ATAD3B: variants seen among roughly 807,000 people sequenced by gnomAD.
The protein encoded by ATAD3B is ATPase family AAA domain containing 3B.
ATAD3B carries 59 observed loss-of-function variants against 70.2 expected under a neutral mutation model. That is an observed-to-expected ratio of 0.84 (90% confidence interval 0.68 to 1.04). The LOEUF is 1.04. Ranked by LOEUF, ATAD3B falls within the 50% of genes least tolerant of loss-of-function variation. ATAD3B has a pLI of 0.00. For synonymous variants in ATAD3B, 423 were observed against 388.6 expected, an observed-to-expected ratio of 1.09 and a Z score of -1.04; for missense variants, 961 against 913.4, an observed-to-expected ratio of 1.05 and a Z score of -0.67.
chr1:1,503,009 G>A, the ATAD3B span, among the ~76,000 whole-genome samples: 1 of 151,082 alleles, frequency 6.6e-6, no homozygotes, highest in African/African-American at 2.4e-5. Context: ...TGAATCACGA[G>A]GTCAGGAGAT....
At chr1:1,494,729 G>A (rs1233251868) in intron 15 of ATAD3B, among the ~76,000 whole-genome samples, 1 of 151,902 alleles carries the variant, frequency 6.6e-6, no homozygotes, top group Non-Finnish European at 1.5e-5. Flanking sequence ...CAGCTGGGAC[G>A]GGGCGAGGGA....
rs967490298 is a variant in ATAD3B, at chr1:1,489,425, G to A, written c.1337+151G>A. On this transcript the variant is annotated intron_variant, in intron 13 of 15. Transcript: ENST00000673477. ...ATGTCCCCTGGGAACGGCCCAGCTC[G>A]GGACAGCACGGGGTGTCATTGAGGA... The A allele has an allele frequency of 9.4e-5, 127 of 1,354,092 alleles. 1 individual carries two copies. In the Admixed American group the frequency reaches 1.1e-3, roughly 12 times the overall value. 83.9% of individuals were successfully genotyped at this position (1,354,092 alleles called of 1,614,324 possible).
chr1:1,473,514 T>A (rs1360682203), intron 1 of ATAD3B, among the ~76,000 whole-genome samples: 2 of 142,588 alleles, frequency 1.4e-5, no homozygotes, highest in African/African-American at 5.3e-5. Flanking sequence ...TTTTTTTTTT[T>A]AAGATGATGT....
chr1:1,490,103 CTG>C, intron 13 of ATAD3B, 152 bp from the exon 14 acceptor site: 1 of 1,434,122 alleles, frequency 7.0e-7, no homozygotes, highest in Non-Finnish European at 9.1e-7. Context: ...GTGACCAGGG[CTG>C]TGGCTGCGTT....
At chr1:1,478,460 T>C in intron 2 of ATAD3B, 184 bp from the exon 3 acceptor site, 1 of 1,540,670 alleles carries the variant, frequency 6.5e-7, no homozygotes, top group Non-Finnish European at 8.8e-7. Flanking sequence ...CTTCTGTGCC[T>C]GTGGGTCTGG....
At chr1:1,488,543 G>A (rs529757080) in intron 12 of ATAD3B, among the ~76,000 whole-genome samples, 10 of 152,136 alleles carry the variant, frequency 6.6e-5, no homozygotes, top group African/African-American at 2.2e-4. Context: ...GGTGGATGAC[G>A]AGGTCAGGAG....
At chr1:1,488,036 C>A (rs1570256882) in intron 12 of ATAD3B, 122 bp downstream of exon 12, 2 of 1,362,276 alleles carry the variant, frequency 1.5e-6, no homozygotes, top group East Asian at 2.3e-5. Context: ...CTCGCTGCAA[C>A]CTCTGCCTCC....
At chr1:1,491,643 T>C (rs1220986429) in intron 15 of ATAD3B, among the ~76,000 whole-genome samples, 1 of 151,804 alleles carries the variant, frequency 6.6e-6, no homozygotes, top group African/African-American at 2.4e-5. Flanking sequence ...GTCCGCAGAG[T>C]CTGTGTGACA....
At chr1:1,489,857 G>T in intron 13 of ATAD3B, 11 of 1,221,358 alleles carry the variant, frequency 9.0e-6, no homozygotes, top group Non-Finnish European at 1.2e-5. Flanking sequence ...AGCCTCTGCT[G>T]AACCCGGGCC....
intron 1 of ATAD3B, among the ~76,000 whole-genome samples, chr1:1,473,423 C>T (rs1367980011): frequency 6.6e-6 from 1 of 151,706 alleles, no homozygotes; most frequent in Non-Finnish European, 1.5e-5. Context: ...CCAGGGTGGT[C>T]TCGATCTCCT....
intron 15 of ATAD3B, 95 bp from the exon 16 acceptor site, chr1:1,495,390 C>T: frequency 6.8e-7 from 1 of 1,476,622 alleles, no homozygotes; most frequent in Non-Finnish European, 9.1e-7. Flanking sequence ...TCCTGGTGCC[C>T]CTGGTTTGGC....
chr1:1,482,926 A>G (rs143411595), intron 7 of ATAD3B: 8,934 of 509,352 alleles, frequency 0.018, 227 homozygotes, highest in South Asian at 0.036. Context: ...ACTTAAGCCC[A>G]GGAGGTTTGG....
chr1:1,503,083 C>T, the ATAD3B span, among the ~76,000 whole-genome samples: 18 of 151,400 alleles, frequency 1.2e-4, no homozygotes, highest in African/African-American at 1.9e-4. Context: ...AGTAGCTGGG[C>T]GTGGTGGCGG....
intron 8 of ATAD3B, among the ~76,000 whole-genome samples, 188 bp from the exon 9 acceptor site, chr1:1,485,594 G>A (rs1376478118): frequency 6.6e-6 from 1 of 152,084 alleles, no homozygotes; most frequent in East Asian, 1.9e-4. Context: ...TAAGGAACCG[G>A]AAAATGCCCC....
At chr1:1,500,933 G>A (rs989097983), downstream of ATAD3B, among the ~76,000 whole-genome samples, 16 of 152,012 alleles carry the variant, frequency 1.1e-4, no homozygotes, top group Admixed American at 5.3e-4. Context: ...CTGCAGCCTG[G>A]GCGACAGAGT....
At chr1:1,493,347 CACT>C (rs1640629055) in intron 15 of ATAD3B, among the ~76,000 whole-genome samples, 1 of 151,962 alleles carries the variant, frequency 6.6e-6, no homozygotes. Context: ...AGTTTTTCAC[CACT>C]GAGTATGTTA....
the ATAD3B span, among the ~76,000 whole-genome samples, chr1:1,504,528 T>G: frequency 2.0e-4 from 30 of 151,790 alleles, no homozygotes; most frequent in South Asian, 2.1e-4. Flanking sequence ...CGGGCGCCTG[T>G]AATCCCAGCT....
In ATAD3B at chr1:1,485,716, T is replaced by C. The variant is rs1210803700; in HGVS notation, c.907-66T>C. On this transcript the variant is annotated intron_variant, in intron 8 of 15. Coordinates refer to ENST00000673477, the MANE Select transcript of ATAD3B (RefSeq NM_031921.6). The stretch of plus-strand genomic sequence containing the variant: ...TTCTGTGTGTTACCGAGCATGTGTG[T>C]GCGTTGGTGGCTGTTCCGTGGCTGT... The C allele has an allele frequency of 6.2e-6, 10 of 1,603,038 alleles. 1 individual carries two copies. The highest frequency in any genetic ancestry group is 1.1e-5 in the South Asian group (1 of 89,910).
downstream of ATAD3B, among the ~76,000 whole-genome samples, chr1:1,499,528 A>T (rs935145325): frequency 6.7e-6 from 1 of 149,374 alleles, no homozygotes; most frequent in African/African-American, 2.5e-5. Flanking sequence ...CACCGTGCCC[A>T]GCCATAGATA....
Sources: allele counts gnomAD v4.1 joint callset (sites outside exome capture counted in the v4.1 genomes callset), GRCh38; gene constraint gnomAD v4.1.1; transcripts MANE v1.5; gene names NCBI Gene and HGNC (gene_info 2026-07-23, HGNC 2026-07-21).